TAFA4: variants seen among roughly 807,000 people sequenced by gnomAD.
TAFA4 encodes the protein TAFA chemokine like family member 4.
In TAFA4, 20 loss-of-function variants were observed where a neutral mutation model predicts 21.1. The observed-to-expected ratio is 0.95, with a 90% CI of 0.67 to 1.38. TAFA4 has a LOEUF of 1.38. Ranked by LOEUF, TAFA4 falls within the 40% of genes most tolerant of loss-of-function variation. The pLI is 0.00. For missense variants in TAFA4, 211 were observed against 180.9 expected, an observed-to-expected ratio of 1.17 and a Z score of -0.95; for synonymous variants, 71 against 67.4, an observed-to-expected ratio of 1.05 and a Z score of -0.26.
intron 3 of TAFA4, 55 bp from the exon 4 acceptor site, chr3:68,753,073 C>A: frequency 6.5e-7 from 1 of 1,533,446 alleles, no homozygotes. Context: ...GGAAATGACA[C>A]CACCAAAACC....
intron 1 of TAFA4, among the ~76,000 whole-genome samples, chr3:68,921,055 G>C (rs1278518907): frequency 6.6e-6 from 1 of 152,090 alleles, no homozygotes; most frequent in Non-Finnish European, 1.5e-5. Context: ...GTAGCATCTT[G>C]ACAGTTGGGC....
At chr3:68,863,917 C>G (rs575704834) in intron 3 of TAFA4, among the ~76,000 whole-genome samples, 1 of 152,016 alleles carries the variant, frequency 6.6e-6, no homozygotes, top group Non-Finnish European at 1.5e-5. Context: ...TTTTTACCTA[C>G]TAAAAATGCA....
chr3:68,808,986 C>A (rs1440586773), intron 3 of TAFA4, among the ~76,000 whole-genome samples: 4 of 152,148 alleles, frequency 2.6e-5, no homozygotes, highest in African/African-American at 9.7e-5. Flanking sequence ...CCAGGAGGTA[C>A]ACATGTCACT....
chr3:68,804,469 C>T (rs1421021960), intron 3 of TAFA4, among the ~76,000 whole-genome samples: 1 of 152,006 alleles, frequency 6.6e-6, no homozygotes, highest in Admixed American at 6.6e-5. Context: ...CATATAGAAC[C>T]AAAAAAGAGC....
intron 3 of TAFA4, among the ~76,000 whole-genome samples, chr3:68,808,312 T>G (rs1191908509): frequency 6.6e-6 from 1 of 152,146 alleles, no homozygotes; most frequent in Non-Finnish European, 1.5e-5. Flanking sequence ...GTCCAGCAAT[T>G]GAAAGCATCC....
intron 3 of TAFA4, among the ~76,000 whole-genome samples, chr3:68,813,418 C>G (rs890682783): frequency 2.0e-5 from 3 of 152,074 alleles, no homozygotes; most frequent in Non-Finnish European, 4.4e-5. Context: ...TGATAGACCA[C>G]TAGCAAGACT....
intron 3 of TAFA4, among the ~76,000 whole-genome samples, chr3:68,798,721 G>A (rs558001688): frequency 5.9e-5 from 9 of 152,114 alleles, no homozygotes; most frequent in Admixed American, 2.0e-4. Context: ...TGATATATTC[G>A]GAGTTGAGCT....
Position 68,867,288 on chromosome 3 carries a change from T to C in TAFA4, c.130+13442A>G, listed in dbSNP as rs145674953. Among the ~76,000 whole-genome samples, 189 of 152,070 alleles carry C rather than the reference T, an allele frequency of 1.2e-3. 2 individuals are homozygous for C. Among genetic ancestry groups the C allele is most frequent in the African/African-American group, 4.5e-3 (186 of 41,536 alleles). On this transcript the variant is annotated intron_variant, in intron 3 of 5. Coordinates refer to ENST00000295569, the MANE Select transcript of TAFA4 (RefSeq NM_182522.5). ...GAAAGATGGGACAACATATTCAAAC[T>C]GCTAAAGAAAAAAACCATAAGCCAA...
intron 5 of TAFA4, among the ~76,000 whole-genome samples, chr3:68,738,326 G>A (rs1425989027): frequency 6.6e-6 from 1 of 152,154 alleles, no homozygotes; most frequent in Non-Finnish European, 1.5e-5. Context: ...GAGGCTAGTG[G>A]ACCAATCACC....
intron 1 of TAFA4, among the ~76,000 whole-genome samples, chr3:68,912,264 T>C (rs1575670092): frequency 6.6e-6 from 1 of 152,154 alleles, no homozygotes; most frequent in Non-Finnish European, 1.5e-5. Flanking sequence ...CCTTCCACTT[T>C]TACCAGTCTC....
At chr3:68,913,777 GAGAA>G (rs1306411887) in intron 1 of TAFA4, 4 of 147,720 alleles carry the variant, frequency 2.7e-5, no homozygotes, top group Non-Finnish European at 6.1e-5. Flanking sequence ...GAGACAGAGA[GAGAA>G]AGAAATTCGA....
chr3:68,912,653 G>C (rs1391896695), intron 1 of TAFA4, among the ~76,000 whole-genome samples: 1 of 152,258 alleles, frequency 6.6e-6, no homozygotes, highest in Non-Finnish European at 1.5e-5. Flanking sequence ...GCTGAAAACC[G>C]GGAGGACCAA....
chr3:68,912,219 T>C (rs1197515116), intron 1 of TAFA4, among the ~76,000 whole-genome samples: 1 of 152,136 alleles, frequency 6.6e-6, no homozygotes, highest in Non-Finnish European at 1.5e-5. Flanking sequence ...CCTTTAATCA[T>C]GAAACCACAG....
intron 1 of TAFA4, among the ~76,000 whole-genome samples, chr3:68,892,930 C>T (rs1361589255): frequency 1.3e-5 from 2 of 152,174 alleles, no homozygotes; most frequent in African/African-American, 4.8e-5. Context: ...AAAATGCGCT[C>T]ACCAAAATCA....
intron 3 of TAFA4, among the ~76,000 whole-genome samples, chr3:68,820,289 A>G (rs553343266): frequency 5.2e-4 from 79 of 152,324 alleles, no homozygotes; most frequent in African/African-American, 1.8e-3. Context: ...GAGAGATAAG[A>G]TATTTGTCAA....
rs140575236 is a variant in TAFA4 at position 68,864,502 on chromosome 3, C to T, written c.130+16228G>A. 5.5e-4 allele frequency among the ~76,000 whole-genome samples: 84 copies of T among 152,216 alleles called. 1 individual carries two copies. The highest frequency in any genetic ancestry group is 1.7e-3 in the African/African-American group (72 of 41,568). ...AACTCTCATTCACTGCTGGTGAGCA[C>T]GCATCGGTACATCACTTTAAAAATG... On this transcript the variant is annotated intron_variant, in intron 3 of 5. Transcript: ENST00000295569.
intron 3 of TAFA4, among the ~76,000 whole-genome samples, chr3:68,790,182 G>T (rs1056260137): frequency 1.4e-5 from 2 of 142,712 alleles, no homozygotes; most frequent in African/African-American, 2.5e-5. Flanking sequence ...TGCTTGTGAG[G>T]CTTCTACGTT....
At chr3:68,832,929 C>T (rs1431951784) in intron 3 of TAFA4, among the ~76,000 whole-genome samples, 2 of 152,224 alleles carry the variant, frequency 1.3e-5, no homozygotes, top group African/African-American at 2.4e-5. Flanking sequence ...CCCCTTCCCC[C>T]GCCCATCTCC....
intron 3 of TAFA4, among the ~76,000 whole-genome samples, chr3:68,844,045 G>T (rs1269501368): frequency 5.3e-5 from 8 of 152,292 alleles, no homozygotes; most frequent in Admixed American, 4.6e-4. Context: ...ATGAGTTAGG[G>T]AGGAGTCCCT....
Sources: gnomAD v4.1 joint callset for allele counts (sites outside exome capture counted in the v4.1 genomes callset) on GRCh38, gnomAD v4.1.1 for gene constraint, MANE v1.5 for transcripts, NCBI Gene and HGNC (gene_info 2026-07-23, HGNC 2026-07-21) for gene names.